SUGT1: variants seen among roughly 807,000 people sequenced by gnomAD.
SUGT1 encodes the protein SGT1 assembly cochaperone of MIS12 kinetochore complex.
In SUGT1, 15 loss-of-function variants were observed where a neutral mutation model predicts 56.1. The observed-to-expected ratio is 0.27, with a 90% CI of 0.18 to 0.41. The LOEUF (loss-of-function observed/expected upper bound fraction) is 0.41. Among genes scored for constraint, SUGT1 ranks in the 10% least tolerant of loss-of-function variants. The pLI is 1.00. For synonymous variants in SUGT1, 123 were observed against 128.6 expected, an observed-to-expected ratio of 0.96 and a Z score of 0.30; for missense variants, 347 against 382.2, an observed-to-expected ratio of 0.91 and a Z score of 0.77.
chr13:52,659,814 A>ATATATATATATATATATTTT (rs1555271105), intron 5 of SUGT1, among the ~76,000 whole-genome samples: 2 of 58,726 alleles, frequency 3.4e-5, no homozygotes, highest in African/African-American at 1.5e-4. Flanking sequence ...ATATATATAT[A>ATATATATATATATATATTTT]TTTTTTTTTT....
intron 11 of SUGT1, among the ~76,000 whole-genome samples, chr13:52,679,357 T>C (rs1277941695): frequency 6.6e-6 from 1 of 152,238 alleles, no homozygotes; most frequent in African/African-American, 2.4e-5. Context: ...ATGTGGGCAT[T>C]GAACTTTAGA....
At chr13:52,659,322 TG>T (rs2138111702) in intron 5 of SUGT1, 73 bp downstream of exon 5, 2 of 957,782 alleles carry the variant, frequency 2.1e-6, no homozygotes, top group East Asian at 3.3e-5. Flanking sequence ...ATTTTGGTAA[TG>T]TTAATTTCAA....
chr13:52,659,017 AC>A (rs1962298141), intron 4 of SUGT1, among the ~76,000 whole-genome samples, 161 bp from the exon 5 acceptor site: 1 of 152,094 alleles, frequency 6.6e-6, no homozygotes, highest in East Asian at 1.9e-4. Context: ...TAGGAATTGT[AC>A]TAGATCTTAA....
At chr13:52,662,073 C>G (rs1451007116) in intron 5 of SUGT1, among the ~76,000 whole-genome samples, 1 of 152,108 alleles carries the variant, frequency 6.6e-6, no homozygotes, top group Non-Finnish European at 1.5e-5. Flanking sequence ...TATAATACAT[C>G]ACCTATAGCC....
chr13:52,672,717 C>G (rs1962992373), intron 10 of SUGT1, among the ~76,000 whole-genome samples: 1 of 152,188 alleles, frequency 6.6e-6, no homozygotes, highest in Non-Finnish European at 1.5e-5. Flanking sequence ...GGAAAGATCC[C>G]TTCATGTCAG....
intron 8 of SUGT1, 78 bp downstream of exon 8, chr13:52,664,135 C>T (rs957902602): frequency 6.5e-6 from 9 of 1,383,862 alleles, no homozygotes; most frequent in African/African-American, 2.9e-5. Context: ...TAATAGTAAG[C>T]AAATTCTTAC....
At chr13:52,663,726 A>G (rs1594235669) in intron 7 of SUGT1, among the ~76,000 whole-genome samples, 1 of 152,232 alleles carries the variant, frequency 6.6e-6, no homozygotes, top group Non-Finnish European at 1.5e-5. Context: ...TATATAAGCA[A>G]CCTTTTCTAA....
At chr13:52,663,656 G>A (rs1962559297) in intron 7 of SUGT1, among the ~76,000 whole-genome samples, 1 of 152,082 alleles carries the variant, frequency 6.6e-6, no homozygotes. Context: ...TCTTTAAAAC[G>A]ATTTTTAAAA....
At chr13:52,655,149 G>T (rs557541256) in intron 2 of SUGT1, among the ~76,000 whole-genome samples, 13 of 152,306 alleles carry the variant, frequency 8.5e-5, no homozygotes, top group Non-Finnish European at 1.6e-4. Context: ...TTCGAGACCA[G>T]CCTGGCCAAC....
In SUGT1 at chr13:52,665,640, T is replaced by C; in HGVS notation, c.426T>C (p.Tyr142=). The C allele has an allele frequency of 6.4e-7, 1 of 1,569,790 alleles. No homozygotes were observed. The highest frequency in any genetic ancestry group is 2.1e-5 in the Admixed American group (1 of 47,624). ...GTTTCTTTTTTTTTTTTAATAGGTATGACTGGTATCAAACAGAATCTCAAG... is the reference window on the plus strand; with the variant it reads ...GTTTCTTTTTTTTTTTTAATAGGTACGACTGGTATCAAACAGAATCTCAAG... The part of the protein sequence containing the change: ...EVWTHQSKIK[Y]DWYQTESQVV... Residue 142 remains tyrosine, a synonymous_variant, in exon 9 of 13, where the codon TAT becomes TAC. Transcript: ENST00000310528.
At position 52,690,483 on chromosome 13, in the gene SUGT1, C is replaced by G. The variant is rs555231713; in HGVS notation, c.*2648C>G. The G allele has an allele frequency of 3.3e-5, 5 of 152,206 alleles. No homozygotes were observed. The highest frequency in any genetic ancestry group is 5.9e-5 in the Non-Finnish European group (4 of 68,008). The allele number at this position is 152,206 out of a possible 1,614,324, so 9.4% of individuals were successfully genotyped here. A position where few individuals can be genotyped will look rare whatever the true frequency, so the allele number is the denominator to read the frequency against. ...TTTTCCTCTTAAATGTTTCCTTTCC[C>G]TTTTAAGGTTAGTCCTGGAATACAT... On this transcript the variant is annotated 3_prime_UTR_variant, in exon 13 of 13. Transcript: ENST00000310528.
chr13:52,676,049 G>T (rs1449115795), intron 10 of SUGT1, among the ~76,000 whole-genome samples, 181 bp from the exon 11 acceptor site: 1 of 151,902 alleles, frequency 6.6e-6, no homozygotes, highest in Non-Finnish European at 1.5e-5. Context: ...TTTTTCAAGG[G>T]TGAATTTTGA....
intron 2 of SUGT1, among the ~76,000 whole-genome samples, chr13:52,656,848 T>C (rs4885767): frequency 0.93 from 141,569 of 152,294 alleles, 65,890 homozygotes; most frequent in East Asian, 0.99. Context: ...GTCTTTGATC[T>C]CCCTAATTGT....
chr13:52,672,389 A>G (rs557156525), intron 10 of SUGT1, among the ~76,000 whole-genome samples: 2 of 152,308 alleles, frequency 1.3e-5, no homozygotes, highest in African/African-American at 4.8e-5. Flanking sequence ...GTACTCAGCA[A>G]ATATTTGAAA....
intron 10 of SUGT1, 62 bp downstream of exon 10, chr13:52,666,981 C>CCAG: frequency 9.1e-7 from 1 of 1,097,058 alleles, no homozygotes. Context: ...TACTGGTGAA[C>CCAG]TAATCACCCA....
chr13:52,659,100 T>A, intron 4 of SUGT1, 79 bp from the exon 5 acceptor site: 1 of 1,195,562 alleles, frequency 8.4e-7, no homozygotes, highest in Non-Finnish European at 1.1e-6. Context: ...CAGTAGAAAA[T>A]ACTAAGTTTT....
At chr13:52,661,929 T>C (rs1471504473) in intron 5 of SUGT1, among the ~76,000 whole-genome samples, 1 of 152,206 alleles carries the variant, frequency 6.6e-6, no homozygotes, top group African/African-American at 2.4e-5. Flanking sequence ...ATTAATAAGC[T>C]CTTATTTAGA....
intron 12 of SUGT1, among the ~76,000 whole-genome samples, chr13:52,683,087 A>G (rs757580740): frequency 2.6e-5 from 4 of 152,032 alleles, no homozygotes; most frequent in Non-Finnish European, 5.9e-5. Flanking sequence ...TTCTATCTGT[A>G]TGCCTTTTAT....
intron 9 of SUGT1, among the ~76,000 whole-genome samples, chr13:52,666,488 T>G (rs1198731357): frequency 6.6e-6 from 1 of 152,212 alleles, no homozygotes; most frequent in Non-Finnish European, 1.5e-5. Flanking sequence ...ATGGATCACT[T>G]TTTGTTATAT....
Sources: gnomAD v4.1 joint callset for allele counts (sites outside exome capture counted in the v4.1 genomes callset) on GRCh38, gnomAD v4.1.1 for gene constraint, MANE v1.5 for transcripts, NCBI Gene and HGNC (gene_info 2026-07-23, HGNC 2026-07-21) for gene names.